LRCH1: variants seen among roughly 807,000 people sequenced by gnomAD.
The protein encoded by LRCH1 is leucine-rich repeat and calponin homology domain-containing protein 1.
A neutral mutation model predicts 94.9 loss-of-function variants in LRCH1; 23 were observed. The ratio of observed to expected loss-of-function variants is 0.24; its 90% CI spans 0.17 to 0.34. The LOEUF (loss-of-function observed/expected upper bound fraction) is 0.34. Ranked by LOEUF, LRCH1 falls within the 10% of genes least tolerant of loss-of-function variation. The pLI is 1.00. For synonymous variants in LRCH1, 364 were observed against 354.9 expected (o/e 1.03, Z -0.29); for missense variants, 790 against 945.9 (o/e 0.84, Z 2.16).
intron 1 of LRCH1, among the ~76,000 whole-genome samples, chr13:46,635,752 T>G (rs955803186): frequency 2.0e-5 from 3 of 149,816 alleles, no homozygotes; most frequent in East Asian, 2.0e-4. Context: ...ATTACAGGCG[T>G]GAGCCACCGC....
At chr13:46,711,263 C>A (rs183796548) in intron 13 of LRCH1, among the ~76,000 whole-genome samples, 53 of 152,264 alleles carry the variant, frequency 3.5e-4, no homozygotes, top group Non-Finnish European at 5.3e-4. Flanking sequence ...AGTTATAAAT[C>A]CTGCACATTT....
intron 3 of LRCH1, among the ~76,000 whole-genome samples, chr13:46,679,114 G>T (rs899657025): frequency 6.6e-6 from 1 of 152,144 alleles, no homozygotes; most frequent in Non-Finnish European, 1.5e-5. Flanking sequence ...TGCCAATAAC[G>T]TCCATTTTCT....
intron 1 of LRCH1, among the ~76,000 whole-genome samples, chr13:46,579,975 G>T (rs191752855): frequency 7.1e-4 from 108 of 152,286 alleles, no homozygotes; most frequent in Non-Finnish European, 7.4e-5. Context: ...AAAAAGCCAG[G>T]TTTAGAAAGT....
intron 2 of LRCH1, among the ~76,000 whole-genome samples, chr13:46,658,377 A>G (rs2051403480): frequency 6.6e-6 from 1 of 152,188 alleles, no homozygotes; most frequent in Admixed American, 6.5e-5. Context: ...ATAGTGCTTT[A>G]GCTGACTCCT....
chr13:46,690,190 A>G (rs962239033), intron 7 of LRCH1, among the ~76,000 whole-genome samples: 8 of 152,154 alleles, frequency 5.3e-5, no homozygotes, highest in Non-Finnish European at 7.4e-5. Flanking sequence ...GGGATTCTTT[A>G]TCTTTAAAAA....
rs374492890 is a variant in LRCH1 at position 46,595,219 on chromosome 13, A to G, written c.307+41516A>G. Among the ~76,000 whole-genome samples the G allele has an allele frequency of 6.2e-4, 94 of 152,152 alleles. No homozygotes were observed. In the Middle Eastern group the frequency reaches 0.027, roughly 44 times the overall value. ...ACTTTAATGAATGTAACCGCAGATT[A>G]TGTGTTTTCTTTCTTTGGTGAACTT... On this transcript the variant is annotated intron_variant, in intron 1 of 19. Transcript: ENST00000389797.
chr13:46,652,359 A>T (rs2051317264), intron 2 of LRCH1, among the ~76,000 whole-genome samples: 1 of 150,754 alleles, frequency 6.6e-6, no homozygotes. Flanking sequence ...TACAGGCGTA[A>T]GCCACTGCGT....
At chr13:46,750,079 G>C (rs1484878754) in intron 18 of LRCH1, among the ~76,000 whole-genome samples, 1 of 152,194 alleles carries the variant, frequency 6.6e-6, no homozygotes, top group Non-Finnish European at 1.5e-5. Flanking sequence ...CGTTCCAGAG[G>C]TCACAGGAAG....
chr13:46,658,109 C>T (rs903118834), intron 2 of LRCH1, among the ~76,000 whole-genome samples: 1 of 152,100 alleles, frequency 6.6e-6, no homozygotes, highest in African/African-American at 2.4e-5. Context: ...TAGGGATTTT[C>T]CAAGGGAACA....
At chr13:46,709,729 TC>T (rs1871960860) in intron 13 of LRCH1, among the ~76,000 whole-genome samples, 1 of 152,190 alleles carries the variant, frequency 6.6e-6, no homozygotes, top group African/African-American at 2.4e-5. Flanking sequence ...GATTTTTTTT[TC>T]TTTTTTGGCT....
chr13:46,693,929 T>TTTCC (rs34806060), intron 8 of LRCH1, among the ~76,000 whole-genome samples: 83,674 of 151,836 alleles, frequency 0.55, 24,020 homozygotes, highest in East Asian at 0.78. Flanking sequence ...AGGAGAGCTG[T>TTTCC]TTAAGTTCAC....
intron 3 of LRCH1, 103 bp from the exon 4 acceptor site, chr13:46,681,638 G>A (rs1566221743): frequency 1.3e-6 from 1 of 775,754 alleles, no homozygotes. Flanking sequence ...AAGTGTACCT[G>A]TGTAGTTGTC....
At chr13:46,557,600 T>C (rs2050080134) in intron 1 of LRCH1, among the ~76,000 whole-genome samples, 1 of 150,978 alleles carries the variant, frequency 6.6e-6, no homozygotes, top group Admixed American at 6.7e-5. Context: ...GCCTGCACTT[T>C]GGGAGGCCAA....
intron 8 of LRCH1, among the ~76,000 whole-genome samples, chr13:46,692,966 CTTTTTTTTTT>C (rs556715797): frequency 7.8e-6 from 1 of 128,206 alleles, no homozygotes; most frequent in African/African-American, 3.0e-5. Flanking sequence ...AGATAAAATT[CTTTTTTTTTT>C]TTTTTTTTTG....
chr13:46,687,308 A>C (rs371912223), intron 5 of LRCH1, among the ~76,000 whole-genome samples: 1 of 152,250 alleles, frequency 6.6e-6, no homozygotes, highest in African/African-American at 2.4e-5. Context: ...TAAACACCTT[A>C]AAACATGGTT....
chr13:46,745,563 A>G (rs1873876863), downstream of LRCH1, among the ~76,000 whole-genome samples: 1 of 152,108 alleles, frequency 6.6e-6, no homozygotes, highest in Non-Finnish European at 1.5e-5. Context: ...AGGATGGACT[A>G]GAAGGTAGCA....
chr13:46,667,696 A>G (rs1020382894), intron 2 of LRCH1, among the ~76,000 whole-genome samples: 2 of 152,162 alleles, frequency 1.3e-5, no homozygotes, highest in Admixed American at 6.5e-5. Flanking sequence ...AAAAAATAAA[A>G]AATAAAGAAT....
At chr13:46,585,190 A>G (rs1027517388) in intron 1 of LRCH1, among the ~76,000 whole-genome samples, 2 of 152,196 alleles carry the variant, frequency 1.3e-5, no homozygotes, top group Admixed American at 6.5e-5. Context: ...AATTTGGTAG[A>G]ATTTCTTACC....
chr13:46,718,805 ACTTC>A (rs1872452477), intron 16 of LRCH1, among the ~76,000 whole-genome samples: 1 of 152,232 alleles, frequency 6.6e-6, no homozygotes, highest in African/African-American at 2.4e-5. Context: ...CAGGTTCTTA[ACTTC>A]CAAGGAGAAG....
Sources: allele counts gnomAD v4.1 joint callset (sites outside exome capture counted in the v4.1 genomes callset), GRCh38; gene constraint gnomAD v4.1.1; transcripts MANE v1.5; gene names NCBI Gene and HGNC (gene_info 2026-07-23, HGNC 2026-07-21).